PTPRK: variants seen among roughly 807,000 people sequenced by gnomAD.
PTPRK encodes protein tyrosine phosphatase receptor type K, also known as receptor-type tyrosine-protein phosphatase kappa.
Under a neutral mutation model 178.0 loss-of-function variants are expected in PTPRK, and 75 were observed. The ratio of observed to expected loss-of-function variants is 0.42; its 90% CI spans 0.35 to 0.51. PTPRK has a LOEUF of 0.51. Among genes scored for constraint, PTPRK ranks in the 20% least tolerant of loss-of-function variants. PTPRK has a pLI of 0.02. For missense variants in PTPRK, 1,441 were observed against 1,797.8 expected (o/e 0.80, Z 3.59); for synonymous variants, 637 against 620.6 (o/e 1.03, Z -0.39).
intron 6 of PTPRK, among the ~76,000 whole-genome samples, chr6:128,210,832 C>A (rs1157881959): frequency 2.0e-5 from 3 of 152,000 alleles, no homozygotes; most frequent in African/African-American, 4.8e-5. Flanking sequence ...ACGTAAATAA[C>A]CAGGTGGGTA....
intron 13 of PTPRK, among the ~76,000 whole-genome samples, chr6:128,050,541 T>C (rs1449108192): frequency 1.3e-5 from 2 of 152,226 alleles, no homozygotes; most frequent in Non-Finnish European, 2.9e-5. Flanking sequence ...TCTCTTCTCT[T>C]GCATCATAAT....
intron 3 of PTPRK, among the ~76,000 whole-genome samples, chr6:128,269,397 T>C (rs1583808877): frequency 6.6e-6 from 1 of 151,896 alleles, no homozygotes; most frequent in Non-Finnish European, 1.5e-5. Context: ...GGACATCATA[T>C]GGTCTATGAC....
chr6:128,510,362 T>A (rs918927647), intron 1 of PTPRK, among the ~76,000 whole-genome samples: 1 of 152,256 alleles, frequency 6.6e-6, no homozygotes, highest in Non-Finnish European at 1.5e-5. Context: ...CAGCTGCTAC[T>A]TCTCTACATT....
At chr6:128,110,040 A>G (rs1790385657) in intron 7 of PTPRK, among the ~76,000 whole-genome samples, 1 of 152,060 alleles carries the variant, frequency 6.6e-6, no homozygotes, top group South Asian at 2.1e-4. Flanking sequence ...TGAGTGTCTA[A>G]TACTACAGGT....
intron 13 of PTPRK, among the ~76,000 whole-genome samples, chr6:128,032,024 T>C (rs758165471): frequency 5.9e-5 from 9 of 152,190 alleles, no homozygotes; most frequent in Non-Finnish European, 1.2e-4. Flanking sequence ...CAGCAAGGAC[T>C]TGCTGTGGAA....
At chr6:128,404,638 A>T (rs1315503429) in intron 1 of PTPRK, among the ~76,000 whole-genome samples, 1 of 152,200 alleles carries the variant, frequency 6.6e-6, no homozygotes, top group African/African-American at 2.4e-5. Flanking sequence ...AGCCTCTGAG[A>T]CCTGGGCAGC....
At chr6:128,329,334 G>T (rs955582751) in intron 2 of PTPRK, among the ~76,000 whole-genome samples, 3 of 151,580 alleles carry the variant, frequency 2.0e-5, no homozygotes, top group African/African-American at 7.3e-5. Flanking sequence ...ACCCTAGTAC[G>T]AAGGATATAT....
chr6:128,349,607 G>A (rs1347964199), intron 2 of PTPRK, among the ~76,000 whole-genome samples: 1 of 151,332 alleles, frequency 6.6e-6, no homozygotes, highest in East Asian at 1.9e-4. Flanking sequence ...TGTTATAAGG[G>A]AGAGAAAGAC....
intron 2 of PTPRK, among the ~76,000 whole-genome samples, chr6:128,377,013 A>T (rs1308423824): frequency 6.6e-6 from 1 of 152,150 alleles, no homozygotes; most frequent in African/African-American, 2.4e-5. Flanking sequence ...GTCTCTAGGG[A>T]GTTCCACACT....
At chr6:128,437,371 T>A (rs1181322440) in intron 1 of PTPRK, among the ~76,000 whole-genome samples, 1 of 152,178 alleles carries the variant, frequency 6.6e-6, no homozygotes, top group Non-Finnish European at 1.5e-5. Flanking sequence ...GAAATGGCGG[T>A]GTGCCTCCTC....
chr6:128,431,387 A>T (rs1171389100), intron 1 of PTPRK, among the ~76,000 whole-genome samples: 1 of 152,234 alleles, frequency 6.6e-6, no homozygotes, highest in African/African-American at 2.4e-5. Context: ...AATACAAAAT[A>T]TCTTTGTGAG....
At chr6:128,243,488 TAAAAAAAAAAA>T (rs760606919) in intron 3 of PTPRK, among the ~76,000 whole-genome samples, 1 of 59,138 alleles carries the variant, frequency 1.7e-5, no homozygotes, top group Non-Finnish European at 3.7e-5. Flanking sequence ...AGCCTGTCGC[TAAAAAAAAAAA>T]AAAAAAAAAA....
intron 5 of PTPRK, among the ~76,000 whole-genome samples, chr6:128,228,719 A>T (rs144731689): frequency 0.012 from 1,750 of 151,780 alleles, 11 homozygotes; most frequent in Non-Finnish European, 0.016. Context: ...ATAAAAAAAA[A>T]GTTTATAAAC....
intron 13 of PTPRK, among the ~76,000 whole-genome samples, chr6:128,058,082 G>A (rs1314850394): frequency 6.6e-6 from 1 of 152,064 alleles, no homozygotes; most frequent in African/African-American, 2.4e-5. Context: ...GGTTGTTGCT[G>A]GGTTATTTCC....
At chr6:128,033,056 A>T (rs1775616146) in intron 13 of PTPRK, among the ~76,000 whole-genome samples, 1 of 152,230 alleles carries the variant, frequency 6.6e-6, no homozygotes, top group African/African-American at 2.4e-5. Context: ...AGGTGAAGAT[A>T]CTACAGGGCT....
chr6:128,458,417 T>A (rs1848645998), intron 1 of PTPRK, among the ~76,000 whole-genome samples: 1 of 152,176 alleles, frequency 6.6e-6, no homozygotes, highest in South Asian at 2.1e-4. Flanking sequence ...AAATACAGAA[T>A]ATATGGAAGA....
chr6:128,428,481 G>A (rs953262682), intron 1 of PTPRK, among the ~76,000 whole-genome samples: 3 of 152,132 alleles, frequency 2.0e-5, no homozygotes, highest in East Asian at 1.9e-4. Context: ...TGGAGTCTAC[G>A]TTCCACAAGC....
chr6:128,221,791 T>C (rs1810463404), intron 5 of PTPRK, among the ~76,000 whole-genome samples: 1 of 152,118 alleles, frequency 6.6e-6, no homozygotes, highest in Non-Finnish European at 1.5e-5. Context: ...CTCATTCCCT[T>C]GGATAATAAG....
chr6:128,171,491 G>T (rs1275154129), intron 7 of PTPRK, among the ~76,000 whole-genome samples: 3 of 151,906 alleles, frequency 2.0e-5, no homozygotes, highest in African/African-American at 7.2e-5. Flanking sequence ...TCTCACTCCA[G>T]ACTCTTTAAG....
Sources: gnomAD v4.1 joint callset for allele counts (sites outside exome capture counted in the v4.1 genomes callset) on GRCh38, gnomAD v4.1.1 for gene constraint, MANE v1.5 for transcripts, NCBI Gene and HGNC (gene_info 2026-07-23, HGNC 2026-07-21) for gene names.